Variants in ZNF518A observed in about 807,000 individuals in gnomAD.
ZNF518A encodes the protein zinc finger protein 518.
ZNF518A carries 47 observed loss-of-function variants against 102.7 expected under a neutral mutation model. The ratio of observed to expected loss-of-function variants is 0.46; its 90% CI spans 0.36 to 0.58. ZNF518A has a LOEUF of 0.58. ZNF518A is among the 20% of genes least tolerant of loss of function. The pLI, the probability that ZNF518A is intolerant of heterozygous loss-of-function variation, is 0.00. For synonymous variants in ZNF518A, 652 were observed against 594.6 expected (o/e 1.10, Z -1.40); for missense variants, 1,793 against 1,699.8 (o/e 1.05, Z -0.96).
intron 3 of ZNF518A, among the ~76,000 whole-genome samples, chr10:96,143,642 G>A (rs1404358406): frequency 1.3e-5 from 2 of 152,136 alleles, no homozygotes; most frequent in Non-Finnish European, 2.9e-5. Flanking sequence ...GTTGAAAGGG[G>A]GGATTATTTT....
At chr10:96,197,411 C>G (rs1554894964) in intron 1 of ZNF518A, among the ~76,000 whole-genome samples, 1 of 152,132 alleles carries the variant, frequency 6.6e-6, no homozygotes, top group East Asian at 1.9e-4. Flanking sequence ...TTCAAGCGAT[C>G]CTCCCACCTC....
At chr10:96,178,686 T>A (rs1335890385) in intron 1 of ZNF518A, among the ~76,000 whole-genome samples, 1 of 151,980 alleles carries the variant, frequency 6.6e-6, no homozygotes, top group African/African-American at 2.4e-5. Flanking sequence ...CAAAGGTCAA[T>A]AAAATTGATA....
intron 1 of ZNF518A, chr10:96,191,715 A>T: frequency 3.0e-6 from 1 of 333,806 alleles, no homozygotes. Flanking sequence ...TTAAAAATAA[A>T]AATATTTATT....
At chr10:96,139,875 C>T (rs1323498080) in intron 3 of ZNF518A, among the ~76,000 whole-genome samples, 1 of 151,944 alleles carries the variant, frequency 6.6e-6, no homozygotes, top group African/African-American at 2.4e-5. Context: ...TTTATTTTTT[C>T]GAGACGGAGT....
At chr10:96,163,938 T>C (rs1220388826), downstream of ZNF518A, among the ~76,000 whole-genome samples, 1 of 152,182 alleles carries the variant, frequency 6.6e-6, no homozygotes, top group Non-Finnish European at 1.5e-5. Flanking sequence ...ATATAAAGTT[T>C]CTAGTATAGA....
intron 1 of ZNF518A, among the ~76,000 whole-genome samples, chr10:96,184,104 A>G (rs1293152218): frequency 6.6e-6 from 1 of 152,040 alleles, no homozygotes; most frequent in Non-Finnish European, 1.5e-5. Flanking sequence ...TGTTGGTTTA[A>G]AGTCTGTTTT....
chr10:96,203,077 T>C (rs1591301699), intron 1 of ZNF518A, among the ~76,000 whole-genome samples: 1 of 152,346 alleles, frequency 6.6e-6, no homozygotes, highest in East Asian at 1.9e-4. Context: ...TCTCCTTCAG[T>C]AGAATATAAG....
chr10:96,180,808 T>C (rs1468758238), intron 1 of ZNF518A, among the ~76,000 whole-genome samples: 2 of 152,180 alleles, frequency 1.3e-5, no homozygotes, highest in African/African-American at 4.8e-5. Context: ...TAAACGTACA[T>C]GTGCATGTGT....
intron 3 of ZNF518A, among the ~76,000 whole-genome samples, chr10:96,152,128 A>G (rs1245822118): frequency 2.0e-5 from 3 of 152,224 alleles, no homozygotes; most frequent in African/African-American, 4.8e-5. Context: ...CCTGGGCGAC[A>G]TGGCAAAACC....
chr10:96,179,753 A>ATTC lies in ZNF518A; in HGVS notation n.35+23728_35+23730dup, dbSNP rs58052521. ...AAATAACACTTTTGAATCTTTTACA[A>ATTC]TTCTTCTTCTTCTTCTTCTTCTTCC... On this transcript the variant is annotated intron_variant and non_coding_transcript_variant, in intron 1 of 2. Coordinates refer to the ZNF518A transcript ENST00000442635. Among the ~76,000 whole-genome samples the ATTC allele has an allele frequency of 3.6e-3, 540 of 150,374 alleles. 4 individuals are homozygous for ATTC. The highest frequency in any genetic ancestry group is 3.5e-3 in the East Asian group (18 of 5,130).
intron 3 of ZNF518A, among the ~76,000 whole-genome samples, chr10:96,135,687 T>C (rs1333525188): frequency 1.3e-5 from 2 of 152,214 alleles, no homozygotes; most frequent in Non-Finnish European, 2.9e-5. Flanking sequence ...GTGCACAGAT[T>C]AATAAGCGTG....
At chr10:96,153,434 C>T (rs2082546592) in intron 3 of ZNF518A, among the ~76,000 whole-genome samples, 1 of 152,156 alleles carries the variant, frequency 6.6e-6, no homozygotes, top group Admixed American at 6.5e-5. Context: ...CAGATTGCTT[C>T]CCCATGCAAC....
rs1330945919 is a variant in ZNF518A at position 96,163,128 on chromosome 10, A to G, written c.*2354A>G. On this transcript the variant is annotated 3_prime_UTR_variant, in exon 6 of 6. Transcript: ENST00000316045. ...ATTTCAGAATAGCCATATCAGGAAA[A>G]TAATGTCGAGATATGTACTTCTTGC... The G allele has an allele frequency of 6.0e-6, 1 of 167,038 alleles. No homozygotes were observed. Among genetic ancestry groups the G allele is most frequent in the East Asian group, 1.9e-4 (1 of 5,206 alleles). 10.3% of individuals were successfully genotyped at this position (167,038 alleles called of 1,614,324 possible).
chr10:96,187,363 T>C (rs1359851077), intron 1 of ZNF518A, among the ~76,000 whole-genome samples: 1 of 152,198 alleles, frequency 6.6e-6, no homozygotes, highest in Non-Finnish European at 1.5e-5. Context: ...CTGAGTTATA[T>C]GGTGTCTTAA....
chr10:96,185,703 G>A (rs587747073), intron 1 of ZNF518A, among the ~76,000 whole-genome samples: 124 of 152,150 alleles, frequency 8.1e-4, no homozygotes, highest in Middle Eastern at 3.4e-3. Flanking sequence ...ATGGGCACCC[G>A]GCTGTATGAG....
intron 3 of ZNF518A, among the ~76,000 whole-genome samples, chr10:96,153,282 G>C (rs2082538804): frequency 6.6e-6 from 1 of 152,196 alleles, no homozygotes; most frequent in Admixed American, 6.5e-5. Flanking sequence ...CACCCACACT[G>C]AGGCAAATCT....
chr10:96,154,600 T>A (rs1044652118), intron 3 of ZNF518A, among the ~76,000 whole-genome samples: 19 of 152,192 alleles, frequency 1.2e-4, no homozygotes, highest in African/African-American at 4.6e-4. Context: ...TGAAATCATC[T>A]GTAAGCCCCA....
rs1554871355 is a variant in ZNF518A at position 96,130,753 on chromosome 10, GTGC to G, written c.-453+3_-453+5del. 2 of 152,356 alleles carry G rather than the reference GTGC, an allele frequency of 1.3e-5. No homozygotes were observed. The highest frequency in any genetic ancestry group is 4.8e-5 in the African/African-American group (2 of 41,426). The allele number at this position is 152,356 out of a possible 1,614,324, so 9.4% of individuals were successfully genotyped here. ...CGCTCTTCTCCAGAGTTGGCCAAAGGTGCTCTTCCCCGCAGACCCTAACCACAC... is the reference window on the plus strand; with the variant it reads ...CGCTCTTCTCCAGAGTTGGCCAAAGGTCTTCCCCGCAGACCCTAACCACAC... On this transcript the variant is annotated splice_donor_variant and splice_donor_region_variant and intron_variant, in intron 1 of 5. Coordinates refer to ENST00000316045, the MANE Select transcript of ZNF518A (RefSeq NM_001330736.2). LOFTEE classifies it low-confidence loss of function (5UTR_SPLICE).
At chr10:96,144,232 C>T (rs1270296995) in intron 3 of ZNF518A, among the ~76,000 whole-genome samples, 1 of 152,128 alleles carries the variant, frequency 6.6e-6, no homozygotes, top group African/African-American at 2.4e-5. Context: ...GCCATCCACC[C>T]ACCTTGGCTT....
Sources: allele counts gnomAD v4.1 joint callset (sites outside exome capture counted in the v4.1 genomes callset), GRCh38; gene constraint gnomAD v4.1.1; transcripts MANE v1.5; gene names NCBI Gene and HGNC (gene_info 2026-07-23, HGNC 2026-07-21).